Variants in DPP10 observed in about 807,000 individuals in gnomAD.
DPP10 encodes dipeptidyl peptidase like 10.
DPP10 carries 33 observed loss-of-function variants against 120.9 expected under a neutral mutation model. That is an observed-to-expected ratio of 0.27 (90% CI 0.21 to 0.37). The LOEUF is 0.37. DPP10 is among the 10% of genes least tolerant of loss of function. DPP10 has a pLI of 1.00. For missense variants in DPP10, 816 were observed against 942.8 expected (o/e 0.87, Z 1.76); for synonymous variants, 337 against 326.1 (o/e 1.03, Z -0.36).
intron 1 of DPP10, among the ~76,000 whole-genome samples, chr2:114,751,938 C>A (rs1679265984): frequency 6.6e-6 from 1 of 152,228 alleles, no homozygotes; most frequent in African/African-American, 2.4e-5. Flanking sequence ...GTCAGTAGAT[C>A]TGGCATGGGG....
chr2:114,774,766 C>T lies in DPP10; in HGVS notation c.60+331928C>T, dbSNP rs1681579923. ...ATTCAACAACATTAGTTGGCTAAAG[C>T]TTCACAAGAATAAGGAAAACACAGC... On this transcript the variant is annotated intron_variant, in intron 1 of 25. Coordinates refer to ENST00000410059, the MANE Select transcript of DPP10 (RefSeq NM_020868.6). 2.0e-5 allele frequency among the ~76,000 whole-genome samples: 3 copies of T among 151,158 alleles called. No individual in the cohort carries two copies. The Admixed American group carries it at 2.0e-4, about 10-fold the overall frequency.
rs547314055 is a variant in DPP10, at chr2:115,476,020, TGAGTTAA to T, written c.272-23487_272-23481del. ...ATAAGACTTTGAGTTAATACTGGAGTGAGTTAAGACTCGGGGGGACTCTTGAGAAGAT... is the reference window on the plus strand; with the variant it reads ...ATAAGACTTTGAGTTAATACTGGAGTGACTCGGGGGGACTCTTGAGAAGAT... On this transcript the variant is annotated intron_variant, in intron 3 of 25. Coordinates refer to ENST00000410059, the MANE Select transcript of DPP10 (RefSeq NM_020868.6). 2.3e-4 allele frequency among the ~76,000 whole-genome samples: 35 copies of T among 152,254 alleles called. No homozygotes were observed. The South Asian group carries it at 5.6e-3, about 24-fold the overall frequency.
chr2:115,477,849 A>G (rs1299405441), intron 3 of DPP10, among the ~76,000 whole-genome samples: 2 of 152,162 alleles, frequency 1.3e-5, no homozygotes, highest in South Asian at 2.1e-4. Context: ...GAGGCTGGGT[A>G]ATTTATAAGG....
At chr2:115,084,466 G>A (rs1247034105) in intron 1 of DPP10, among the ~76,000 whole-genome samples, 1 of 152,204 alleles carries the variant, frequency 6.6e-6, no homozygotes, top group Non-Finnish European at 1.5e-5. Context: ...TGTGTCATCT[G>A]ACAAAAGGTT....
In DPP10 at chr2:114,652,427, A is replaced by G. The variant is rs142345335; in HGVS notation, c.60+209589A>G. ...TGCCTTCATTGAGAAGTAAATTTCC[A>G]TGGGAGAAAATTAGGGTTTTGCTTC... On this transcript the variant is annotated intron_variant, in intron 1 of 25. Coordinates refer to ENST00000410059, the MANE Select transcript of DPP10 (RefSeq NM_020868.6). Among the ~76,000 whole-genome samples, 182 of 152,294 alleles carry G rather than the reference A, an allele frequency of 1.2e-3. 1 individual carries two copies. The highest frequency in any genetic ancestry group is 4.0e-3 in the African/African-American group (166 of 41,564).
At chr2:114,611,343 T>C (rs956013755) in intron 1 of DPP10, among the ~76,000 whole-genome samples, 7 of 152,246 alleles carry the variant, frequency 4.6e-5, no homozygotes, top group Admixed American at 6.5e-5. Flanking sequence ...TTCTCTCTTA[T>C]TTCTTCCTTT....
intron 1 of DPP10, among the ~76,000 whole-genome samples, chr2:114,947,368 G>A (rs1226851902): frequency 1.3e-5 from 2 of 149,636 alleles, no homozygotes; most frequent in African/African-American, 4.9e-5. Context: ...TTTTTCCATC[G>A]ATGAATCTCT....
intron 1 of DPP10, among the ~76,000 whole-genome samples, chr2:114,880,072 C>T (rs1691483144): frequency 6.6e-6 from 1 of 152,106 alleles, no homozygotes; most frequent in African/African-American, 2.4e-5. Flanking sequence ...GCTTTTTCAC[C>T]TCCATTTTAG....
intron 24 of DPP10, among the ~76,000 whole-genome samples, chr2:115,839,914 T>A (rs1395070207): frequency 6.6e-6 from 1 of 152,096 alleles, no homozygotes; most frequent in Non-Finnish European, 1.5e-5. Context: ...TGCTCTATAT[T>A]AAATAGTTAG....
intron 3 of DPP10, among the ~76,000 whole-genome samples, chr2:115,463,291 G>A (rs1291592407): frequency 2.0e-5 from 3 of 152,048 alleles, no homozygotes; most frequent in Admixed American, 2.0e-4. Flanking sequence ...TCTGACACAT[G>A]GTAAACACCA....
chr2:115,309,889 C>T (rs976155174), intron 2 of DPP10, among the ~76,000 whole-genome samples: 1 of 152,052 alleles, frequency 6.6e-6, no homozygotes, highest in Non-Finnish European at 1.5e-5. Context: ...AGAAACTTTG[C>T]AAATTGCCCC....
At chr2:115,090,841 C>T (rs1035290631) in intron 1 of DPP10, among the ~76,000 whole-genome samples, 1 of 151,796 alleles carries the variant, frequency 6.6e-6, no homozygotes, top group Admixed American at 6.6e-5. Context: ...TCTCTCTGGC[C>T]GGAGGGGAGG....
intron 8 of DPP10, among the ~76,000 whole-genome samples, chr2:115,733,610 C>T (rs528313037): frequency 1.3e-5 from 2 of 149,650 alleles, no homozygotes; most frequent in East Asian, 2.0e-4. Context: ...AAAAAATCAA[C>T]CACAGGCCTG....
At chr2:114,722,050 C>T (rs1701732846) in intron 1 of DPP10, among the ~76,000 whole-genome samples, 1 of 152,016 alleles carries the variant, frequency 6.6e-6, no homozygotes, top group Non-Finnish European at 1.5e-5. Flanking sequence ...CTACAAATGC[C>T]AGTTTTTTCA....
chr2:115,431,345 C>G (rs949142447), intron 3 of DPP10, among the ~76,000 whole-genome samples: 5 of 152,008 alleles, frequency 3.3e-5, no homozygotes, highest in African/African-American at 1.2e-4. Context: ...GTGAAAGGAC[C>G]GAGGGATAAA....
intron 1 of DPP10, among the ~76,000 whole-genome samples, chr2:114,531,932 G>A (rs1686023864): frequency 6.6e-6 from 1 of 151,950 alleles, no homozygotes; most frequent in African/African-American, 2.4e-5. Flanking sequence ...TGGGTAGACA[G>A]CATCAAGAAG....
chr2:115,728,006 T>C, intron 8 of DPP10, 70 bp downstream of exon 8: 2 of 1,510,374 alleles, frequency 1.3e-6, no homozygotes, highest in Non-Finnish European at 1.8e-6. Flanking sequence ...CCAAAAAAAA[T>C]CTATTCATTC....
chr2:114,446,927 A>G (rs1336453595), intron 1 of DPP10, among the ~76,000 whole-genome samples: 1 of 152,194 alleles, frequency 6.6e-6, no homozygotes, highest in African/African-American at 2.4e-5. Context: ...CATGGTGGTT[A>G]GGAAATAATT....
At chr2:115,280,886 A>G (rs1442524194) in intron 1 of DPP10, among the ~76,000 whole-genome samples, 1 of 152,174 alleles carries the variant, frequency 6.6e-6, no homozygotes, top group Non-Finnish European at 1.5e-5. Flanking sequence ...ATAGTCACTT[A>G]AACTTGAGAA....
Sources: gnomAD v4.1 joint callset for allele counts (sites outside exome capture counted in the v4.1 genomes callset) on GRCh38, gnomAD v4.1.1 for gene constraint, MANE v1.5 for transcripts, NCBI Gene and HGNC (gene_info 2026-07-23, HGNC 2026-07-21) for gene names.